BCL11B: variants seen among roughly 807,000 people sequenced by gnomAD.
BCL11B encodes BCL11 transcription factor B, also known as B-cell lymphoma/leukemia 11B.
Under a neutral mutation model 49.9 loss-of-function variants are expected in BCL11B, and 8 were observed. That is an observed-to-expected ratio of 0.16 (90% CI 0.09 to 0.29). The LOEUF (loss-of-function observed/expected upper bound fraction) is 0.29, where lower values mean the gene tolerates loss of function less well. BCL11B is among the 10% of genes least tolerant of loss of function. The pLI, the probability that BCL11B is intolerant of heterozygous loss-of-function variation, is 1.00. For missense variants in BCL11B, 1,006 were observed against 1,351.0 expected, an observed-to-expected ratio of 0.74 and a Z score of 4.00; for synonymous variants, 739 against 637.4, an observed-to-expected ratio of 1.16 and a Z score of -2.40.
At chr14:99,214,407 A>T (rs1887771332) in intron 3 of BCL11B, among the ~76,000 whole-genome samples, 1 of 152,008 alleles carries the variant, frequency 6.6e-6, no homozygotes, top group Non-Finnish European at 1.5e-5. Flanking sequence ...AATTTTAAAA[A>T]ATTAGCTGGG....
In BCL11B at chr14:99,192,545, G is replaced by A. The variant is rs1035116196; in HGVS notation, c.641-16350C>T. ...TCCTCGCCACACACACCCAGGCCCA[G>A]CCCCGCTGCCTCCTCTACCCTCCTG... On this transcript the variant is annotated intron_variant, in intron 3 of 3. Transcript: ENST00000357195. This position sits in a 1 kb window ranked among gnomAD's most constrained non-coding sequence, Gnocchi z 4.0. 1.3e-5 allele frequency among the ~76,000 whole-genome samples: 2 copies of A among 152,164 alleles called. No homozygotes were observed. The highest frequency in any genetic ancestry group is 2.9e-5 in the Non-Finnish European group (2 of 68,026).
At chr14:99,229,043 CATGGATGGATGGATGGATGG>C (rs1181779397) in intron 3 of BCL11B, among the ~76,000 whole-genome samples, 1 of 104,756 alleles carries the variant, frequency 9.5e-6, no homozygotes, top group South Asian at 3.4e-4. Context: ...TGGATGGATG[CATGGATGGATGGATGGATGG>C]ATGGATGGAT....
At chr14:99,225,391 G>A (rs946822308) in intron 3 of BCL11B, among the ~76,000 whole-genome samples, 11 of 152,110 alleles carry the variant, frequency 7.2e-5, no homozygotes, top group Admixed American at 3.3e-4. Context: ...GGGCCAGTCC[G>A]CTCCACACAG....
chr14:99,231,358 C>A lies in BCL11B; in HGVS notation c.627G>T (p.Gln209His). ...EGQTEAPFGC[Q>H]CQLSGKDEPS... ...GTCGTCTGTTACCTGACAACTGACACTGGCATCCAAAGGGAGCCTCCGTCT... is the reference window on the plus strand; with the variant it reads ...GTCGTCTGTTACCTGACAACTGACAATGGCATCCAAAGGGAGCCTCCGTCT... The change falls in exon 3 of 4, where the codon CAG (glutamine) becomes CAT (histidine). Residue 209 changes from glutamine (Q) to histidine (H), a missense_variant. Gln to His is a conservative substitution (Grantham distance 24). Transcript: ENST00000357195. The surrounding 1 kb of genome is among the most constrained non-coding windows in gnomAD (Gnocchi z 8.1). 3 of 1,609,656 alleles carry A rather than the reference C, an allele frequency of 1.9e-6. No individual in the cohort carries two copies. The highest frequency in any genetic ancestry group is 1.1e-5 in the South Asian group (1 of 90,680).
chr14:99,182,443 C>T (rs11846608), intron 3 of BCL11B, among the ~76,000 whole-genome samples: 2,177 of 152,284 alleles, frequency 0.014, 62 homozygotes, highest in East Asian at 0.1. Flanking sequence ...AGGGATGGGG[C>T]TAGCTACCTG....
chr14:99,252,936 T>C (rs915346984), intron 2 of BCL11B, among the ~76,000 whole-genome samples: 3 of 152,242 alleles, frequency 2.0e-5, no homozygotes, highest in Admixed American at 2.0e-4. Context: ...CCCAGGTAAG[T>C]GATCATGGTT....
chr14:99,244,747 C>CA (rs1888774845), intron 2 of BCL11B, among the ~76,000 whole-genome samples: 1 of 152,180 alleles, frequency 6.6e-6, no homozygotes, highest in Non-Finnish European at 1.5e-5. Context: ...GCTGGCTGCT[C>CA]AAAGTTCGGG....
In BCL11B at chr14:99,249,474, G is replaced by A. The variant is rs915924802; in HGVS notation, c.427+7997C>T. Among the ~76,000 whole-genome samples the A allele has an allele frequency of 6.0e-4, 91 of 152,292 alleles. 1 individual carries two copies. Among genetic ancestry groups the A allele is most frequent in the African/African-American group, 2.1e-3 (86 of 41,576 alleles). On this transcript the variant is annotated intron_variant, in intron 2 of 3. Transcript: ENST00000357195. Reference sequence around the variant, plus strand: ...AGGAGCCTGGTCTCTAGGCGCAACTGAGCTGGTGACTCACCGGACAACTGT... The same window carrying A: ...AGGAGCCTGGTCTCTAGGCGCAACTAAGCTGGTGACTCACCGGACAACTGT...
At chr14:99,199,030 T>C (rs1388062356) in intron 3 of BCL11B, among the ~76,000 whole-genome samples, 1 of 152,150 alleles carries the variant, frequency 6.6e-6, no homozygotes, top group East Asian at 1.9e-4. Flanking sequence ...CAATCATTTT[T>C]TAAAAAAACA....
At chr14:99,179,499 AGCT>A (rs1566796939) in intron 3 of BCL11B, among the ~76,000 whole-genome samples, 5 of 132,558 alleles carry the variant, frequency 3.8e-5, no homozygotes, top group Non-Finnish European at 8.2e-5. Flanking sequence ...AAAAAAAAAA[AGCT>A]TCTAAAACTA....
intron 2 of BCL11B, among the ~76,000 whole-genome samples, chr14:99,237,482 G>A (rs1428128392): frequency 6.6e-6 from 1 of 152,120 alleles, no homozygotes; most frequent in Non-Finnish European, 1.5e-5. Context: ...AGAGCATCTG[G>A]GGGACCTAGA....
chr14:99,169,559 T>C lies in BCL11B; in HGVS notation c.*4592A>G, dbSNP rs1393851603. The C allele has an allele frequency of 4.8e-6, 1 of 206,384 alleles. No individual in the cohort carries two copies. Among genetic ancestry groups the C allele is most frequent in the Non-Finnish European group, 9.9e-6 (1 of 100,986 alleles). 12.8% of individuals were successfully genotyped at this position (206,384 alleles called of 1,614,324 possible). ...TAAACAGAGCACAAATACCAAGCAA[T>C]AATAAATAGTTCCAAACTTGTAGTA... On this transcript the variant is annotated 3_prime_UTR_variant, in exon 4 of 4. Coordinates refer to ENST00000357195, the MANE Select transcript of BCL11B (RefSeq NM_138576.4).
chr14:99,176,336 C>T (rs565407321), intron 3 of BCL11B, 141 bp from the exon 4 acceptor site: 6 of 794,034 alleles, frequency 7.6e-6, no homozygotes, highest in South Asian at 1.9e-5. Context: ...GGCTGCAGGG[C>T]CGCTTGCAAG....
rs1451408769 is a variant in BCL11B at position 99,194,752 on chromosome 14, C to T, written c.641-18557G>A. Among the ~76,000 whole-genome samples, 1 of 152,198 alleles carries T rather than the reference C, an allele frequency of 6.6e-6. No homozygotes were observed. Among genetic ancestry groups the T allele is most frequent in the East Asian group, 1.9e-4 (1 of 5,202 alleles). On this transcript the variant is annotated intron_variant, in intron 3 of 3. Coordinates refer to ENST00000357195, the MANE Select transcript of BCL11B (RefSeq NM_138576.4). The surrounding 1 kb of genome is among the most constrained non-coding windows in gnomAD (Gnocchi z 4.6). ...TGGGACCCAGGCTTGGATGACTTGG[C>T]TCAAAAGCAGTCTCAACCGTGGAGC...
In BCL11B at chr14:99,262,610, C is replaced by T. The variant is rs1222426869; in HGVS notation, c.59-4771G>A. ...AATGTTCAGCATCCATCCGCCCGAG[C>T]TCTGCATCCGACTGGAGACTTTACA... On this transcript the variant is annotated intron_variant, in intron 1 of 3. Transcript: ENST00000357195. The surrounding 1 kb of genome is among the most constrained non-coding windows in gnomAD (Gnocchi z 4.2). 6.6e-6 allele frequency among the ~76,000 whole-genome samples: 1 copy of T among 152,182 alleles called. No individual in the cohort carries two copies. Among genetic ancestry groups the T allele is most frequent in the Non-Finnish European group, 1.5e-5 (1 of 68,026 alleles).
intron 2 of BCL11B, among the ~76,000 whole-genome samples, chr14:99,237,967 G>A (rs1277489116): frequency 1.3e-5 from 2 of 152,006 alleles, no homozygotes; most frequent in South Asian, 2.1e-4. Flanking sequence ...GGGCCTCCAG[G>A]AACATGGGCA....
intron 3 of BCL11B, among the ~76,000 whole-genome samples, chr14:99,227,421 C>T (rs1888189761): frequency 6.6e-6 from 1 of 152,136 alleles, no homozygotes; most frequent in African/African-American, 2.4e-5. Context: ...GAAATGACTA[C>T]ATGGGGCAGA....
chr14:99,173,183 C>G lies in BCL11B; in HGVS notation c.*968G>C, dbSNP rs570608295. On this transcript the variant is annotated 3_prime_UTR_variant, in exon 4 of 4. Transcript: ENST00000357195. ...TGTCACTGCAGGCCACCCCATCTCC[C>G]CAAAAAGGTACCCTCAGCCCATTTT... is the stretch of plus-strand genomic sequence containing the variant. 125 of 230,198 alleles carry G rather than the reference C, an allele frequency of 5.4e-4. No homozygotes were observed. The highest frequency in any genetic ancestry group is 8.4e-4 in the Non-Finnish European group (98 of 116,098). The allele number at this position is 230,198 out of a possible 1,614,324, so 14.3% of individuals were successfully genotyped here.
rs2139828940 is a variant in BCL11B, at chr14:99,205,064, G to C, written c.640+26281C>G. ...AGATCACCTGTGGGCAGGTGTTCAG[G>C]GGATGCCCCTCCAGTTACATTACTT... On this transcript the variant is annotated intron_variant, in intron 3 of 3. Transcript: ENST00000357195. This position sits in a 1 kb window ranked among gnomAD's most constrained non-coding sequence, Gnocchi z 5.0. 6.6e-6 allele frequency among the ~76,000 whole-genome samples: 1 copy of C among 152,184 alleles called. No homozygotes were observed. Among genetic ancestry groups the C allele is most frequent in the South Asian group, 2.1e-4 (1 of 4,816 alleles).
Sources: gnomAD v4.1 joint callset for allele counts (sites outside exome capture counted in the v4.1 genomes callset) on GRCh38, gnomAD v4.1.1 for gene constraint, Gnocchi (gnomAD v3.1) non-coding constraint, MANE v1.5 for transcripts, NCBI Gene and HGNC (gene_info 2026-07-23, HGNC 2026-07-21) for gene names.